The following GOLGA4 variants were observed in gnomAD, a reference collection of about 807,000 sequenced individuals.
GOLGA4 encodes the protein golgin subfamily A member 4.
A neutral mutation model predicts 265.9 loss-of-function variants in GOLGA4; 169 were observed. The observed-to-expected ratio is 0.64, with a 90% confidence interval of 0.56 to 0.72. GOLGA4 has a LOEUF of 0.72. Among genes scored for constraint, GOLGA4 ranks in the 30% least tolerant of loss-of-function variants. The pLI, the probability that GOLGA4 is intolerant of heterozygous loss-of-function variation, is 0.00. For synonymous variants in GOLGA4, 923 were observed against 855.8 expected (o/e 1.08, Z -1.37); for missense variants, 2,482 against 2,483.4 (o/e 1.00, Z 0.01).
intron 2 of GOLGA4, among the ~76,000 whole-genome samples, chr3:37,266,125 C>T (rs116511161): frequency 0.011 from 1,594 of 151,184 alleles, 22 homozygotes; most frequent in African/African-American, 0.034. Context: ...ACGTAGCTTG[C>T]GTGTCTGAAA....
chr3:37,260,870 G>A (rs1353398478), intron 2 of GOLGA4, among the ~76,000 whole-genome samples: 3 of 151,890 alleles, frequency 2.0e-5, no homozygotes, highest in Non-Finnish European at 4.4e-5. Flanking sequence ...TTTTTCACAT[G>A]GGAAAGGACT....
At chr3:37,317,718 G>A (rs1482658818) in intron 11 of GOLGA4, among the ~76,000 whole-genome samples, 1 of 151,972 alleles carries the variant, frequency 6.6e-6, no homozygotes, top group African/African-American at 2.4e-5. Context: ...ATAACTCTTA[G>A]CAGTATGATA....
At chr3:37,251,658 GAT>G (rs1284510309) in intron 2 of GOLGA4, among the ~76,000 whole-genome samples, 174 bp downstream of exon 2, 2 of 143,102 alleles carry the variant, frequency 1.4e-5, no homozygotes, top group Non-Finnish European at 3.0e-5. Context: ...TAGCAGTTAT[GAT>G]TTATGTCTGT....
At chr3:37,250,200 T>C (rs1024375462) in intron 1 of GOLGA4, 1 of 152,242 alleles carries the variant, frequency 6.6e-6, no homozygotes, top group Non-Finnish European at 1.5e-5. Context: ...GTTTTTCACA[T>C]AAAAATCTCT....
In GOLGA4 at chr3:37,302,260, C is replaced by CGTAGT; in HGVS notation, c.1163_1167dup (p.Arg390ValfsTer7). The CGTAGT allele has an allele frequency of 6.2e-7, 1 of 1,612,588 alleles. No individual in the cohort carries two copies. Among genetic ancestry groups the CGTAGT allele is most frequent in the Non-Finnish European group, 8.5e-7 (1 of 1,178,726 alleles). Reference sequence around the variant, plus strand: ...GAAAGAAGAAGAAATTGCTCAACTCCGTAGTCGCATCAAACAGATGACTAC... The same window carrying CGTAGT: ...GAAAGAAGAAGAAATTGCTCAACTCCGTAGTGTAGTCGCATCAAACAGATGACTAC... On this transcript the variant is annotated frameshift_variant, in exon 10 of 24. Coordinates refer to ENST00000361924, the MANE Select transcript of GOLGA4 (RefSeq NM_002078.5). LOFTEE classifies it high-confidence loss of function.
intron 2 of GOLGA4, among the ~76,000 whole-genome samples, chr3:37,266,025 C>CAA (rs745369147): frequency 4.4e-4 from 43 of 96,886 alleles, no homozygotes; most frequent in South Asian, 1.6e-3. Flanking sequence ...GACCTTGTCT[C>CAA]AAAAAAAAAA....
At chr3:37,309,974 T>G (rs1040153936) in intron 10 of GOLGA4, among the ~76,000 whole-genome samples, 1 of 152,270 alleles carries the variant, frequency 6.6e-6, no homozygotes, top group African/African-American at 2.4e-5. Flanking sequence ...AAAATTCTTT[T>G]TGTTGCTTTT....
At chr3:37,245,717 G>A (rs908716983) in intron 1 of GOLGA4, among the ~76,000 whole-genome samples, 1 of 152,178 alleles carries the variant, frequency 6.6e-6, no homozygotes, top group South Asian at 2.1e-4. Flanking sequence ...ATCACTTTGT[G>A]TACGAAAGGT....
chr3:37,258,282 G>T (rs1051177925), intron 2 of GOLGA4, among the ~76,000 whole-genome samples: 2 of 147,804 alleles, frequency 1.4e-5, no homozygotes, highest in South Asian at 2.1e-4. Context: ...GCATATATAT[G>T]ATATATATAG....
chr3:37,275,215 C>CAAAAAAAAAAAAAAAAAAAA (rs749758741), intron 2 of GOLGA4, among the ~76,000 whole-genome samples: 1 of 44,962 alleles, frequency 2.2e-5, no homozygotes. Context: ...GACTCCGTCT[C>CAAAAAAAAAAAAAAAAAAAA]AAAAAAAAAA....
At chr3:37,268,424 T>C (rs2096789324) in intron 2 of GOLGA4, among the ~76,000 whole-genome samples, 1 of 152,034 alleles carries the variant, frequency 6.6e-6, no homozygotes, top group Admixed American at 6.6e-5. Context: ...TGCTTTATAT[T>C]TTCATGTAGT....
chr3:37,258,638 A>G (rs1328603767), intron 2 of GOLGA4, among the ~76,000 whole-genome samples: 2 of 152,158 alleles, frequency 1.3e-5, no homozygotes, highest in Non-Finnish European at 2.9e-5. Context: ...CCAGTTGTTG[A>G]GAATTCTTAA....
In GOLGA4 at chr3:37,327,656, C is replaced by T; in HGVS notation, c.5770C>T (p.Gln1924Ter). ...CAAATTGCTTAGTAACATGGAAGCC[C>T]AGCACAATGATCTGGAGTTTAAATT... ...QPKLLSNMEA[Q>*]HNDLEFKLAG... Residue 1924 changes from glutamine (Q) to a stop codon, truncating the protein, a stop_gained, in exon 14 of 24, where the codon CAG (glutamine) becomes TAG (stop). Transcript: ENST00000361924. LOFTEE classifies it high-confidence loss of function. 4.3e-6 allele frequency: 7 copies of T among 1,613,880 alleles called. No individual in the cohort carries two copies. The highest frequency in any genetic ancestry group is 5.9e-6 in the Non-Finnish European group (7 of 1,179,836).
Position 37,251,244 on chromosome 3 carries a change from A to T in GOLGA4, c.73-151A>T. ...GGTAGCCTGGGTTTTCTAGTTGATT[A>T]TATTTGTTATCCTTTTCTGCTTTTC... is the stretch of plus-strand genomic sequence containing the variant. On this transcript the variant is annotated intron_variant, in intron 1 of 23. Coordinates refer to ENST00000361924, the MANE Select transcript of GOLGA4 (RefSeq NM_002078.5). The T allele has an allele frequency of 8.8e-6, 5 of 566,682 alleles. No homozygotes were observed. The South Asian group carries it at 1.2e-4, about 13-fold the overall frequency. 35.1% of individuals were successfully genotyped at this position (566,682 alleles called of 1,614,324 possible).
At position 37,282,188 on chromosome 3, in the gene GOLGA4, A is replaced by G. The variant is rs146095781; in HGVS notation, c.393A>G (p.Ser131=). The change falls in exon 3 of 24, where the codon TCA becomes TCG. Residue 131 remains serine (S), a synonymous_variant. Transcript: ENST00000361924. ...DSEAEDLVGN[S]DSLNKEQLIQ... is the part of the protein sequence containing the mutation. ...AGGCTGAAGACTTGGTAGGGAATTC[A>G]GACAGTCTCAACAAAGAACAGTTGA... 211 of 1,614,086 alleles carry G rather than the reference A, an allele frequency of 1.3e-4. No individual in the cohort carries two copies. In the African/African-American group the frequency reaches 2.5e-3, roughly 19 times the overall value.
chr3:37,346,390 A>G (rs2097056413), intron 20 of GOLGA4, among the ~76,000 whole-genome samples: 1 of 152,210 alleles, frequency 6.6e-6, no homozygotes, highest in South Asian at 2.1e-4. Flanking sequence ...AATGTTTTAT[A>G]TGTTTTGGGC....
chr3:37,322,572 C>CA (rs1166893745), intron 13 of GOLGA4, among the ~76,000 whole-genome samples: 10 of 152,140 alleles, frequency 6.6e-5, no homozygotes, highest in Non-Finnish European at 1.2e-4. Context: ...CTAACACTTG[C>CA]AAAAGGTTCC....
intron 10 of GOLGA4, among the ~76,000 whole-genome samples, chr3:37,307,522 T>C (rs1342076687): frequency 6.6e-6 from 1 of 152,134 alleles, no homozygotes; most frequent in African/African-American, 2.4e-5. Flanking sequence ...AAGTGAATCA[T>C]GGTGCCTTTC....
Position 37,326,191 on chromosome 3 carries a change from A to G in GOLGA4, c.4305A>G (p.Val1435=), listed in dbSNP as rs145903612. The G allele has an allele frequency of 6.3e-5, 101 of 1,613,266 alleles. No homozygotes were observed. In the African/African-American group the frequency reaches 7.6e-4, roughly 12 times the overall value. The change falls in exon 14 of 24, where the codon GTA becomes GTG. Residue 1435 remains valine (V), a synonymous_variant. Transcript: ENST00000361924. ...SKEKISALEQ[V]DDWSNKFSEW... is the part of the protein sequence containing the mutation. ...AGAAAATTTCTGCTCTTGAGCAGGT[A>G]GATGACTGGTCCAATAAATTCTCAG...
Sources: gnomAD v4.1 joint callset for allele counts (sites outside exome capture counted in the v4.1 genomes callset) on GRCh38, gnomAD v4.1.1 for gene constraint, MANE v1.5 for transcripts, NCBI Gene and HGNC (gene_info 2026-07-23, HGNC 2026-07-21) for gene names.